Variants in KIF1A observed in about 807,000 individuals in gnomAD.
KIF1A encodes kinesin-like protein KIF1A.
A neutral mutation model predicts 227.3 loss-of-function variants in KIF1A; 46 were observed. The observed-to-expected ratio is 0.20, with a 90% confidence interval of 0.16 to 0.26. The LOEUF is 0.26. Ranked by LOEUF, KIF1A falls within the 10% of genes least tolerant of loss-of-function variation. The probability of loss-of-function intolerance (pLI) is 1.00; values close to 1 mark genes in which losing one functional copy is unlikely to be tolerated. For missense variants in KIF1A, 1,683 were observed against 2,485.9 expected (o/e 0.68, Z 6.87); for synonymous variants, 1,022 against 1,012.8 (o/e 1.01, Z -0.17).
At chr2:240,735,393 G>A (rs1030007709) in intron 38 of KIF1A, among the ~76,000 whole-genome samples, 7 of 152,254 alleles carry the variant, frequency 4.6e-5, no homozygotes, top group Non-Finnish European at 8.8e-5. Context: ...GCCATGAGCC[G>A]CTCCCTCCTA....
Position 240,766,050 on chromosome 2 carries a change from G to C in KIF1A, c.1685-257C>G, listed in dbSNP as rs1168529529. Among the ~76,000 whole-genome samples, 1 of 152,234 alleles carries C rather than the reference G, an allele frequency of 6.6e-6. No homozygotes were observed. Among genetic ancestry groups the C allele is most frequent in the Non-Finnish European group, 1.5e-5 (1 of 68,034 alleles). On this transcript the variant is annotated intron_variant, in intron 19 of 48. Transcript: ENST00000498729. The surrounding 1 kb of genome is among the most constrained non-coding windows in gnomAD (Gnocchi z 5.0). ...CACGTTGAAGCCAAGAGGCTGTGCTGGGCCTAATCACCCAGGGCCCTGTCC... is the reference window on the plus strand; with the variant it reads ...CACGTTGAAGCCAAGAGGCTGTGCTCGGCCTAATCACCCAGGGCCCTGTCC...
At chr2:240,770,215 C>G (rs961045668) in intron 15 of KIF1A, among the ~76,000 whole-genome samples, 1 of 152,242 alleles carries the variant, frequency 6.6e-6, no homozygotes. Flanking sequence ...GCCCCTCAGT[C>G]TCCAGGCGTG....
At position 240,784,976 on chromosome 2, in the gene KIF1A, G is replaced by T. The variant is rs752654184; in HGVS notation, c.720+13C>A. 2 of 1,605,480 alleles carry T rather than the reference G, an allele frequency of 1.2e-6. No individual in the cohort carries two copies. The highest frequency in any genetic ancestry group is 1.1e-5 in the South Asian group (1 of 90,924). ...TGCCCTTGGTGGCACCGCCTGTGAGGCCACTCACTCACCTTCTCCGTGGTG... is the reference window on the plus strand; with the variant it reads ...TGCCCTTGGTGGCACCGCCTGTGAGTCCACTCACTCACCTTCTCCGTGGTG... On this transcript the variant is annotated intron_variant, in intron 7 of 48. Coordinates refer to ENST00000498729, the MANE Select transcript of KIF1A (RefSeq NM_001244008.2).
chr2:240,750,269 AGGTTGACCCCAG>A (rs2049059753), intron 28 of KIF1A, among the ~76,000 whole-genome samples, 148 bp downstream of exon 28: 1 of 152,224 alleles, frequency 6.6e-6, no homozygotes, highest in African/African-American at 2.4e-5. Context: ...AAACAGCTTC[AGGTTGACCCCAG>A]GGAGAGTGGA....
intron 1 of KIF1A, among the ~76,000 whole-genome samples, chr2:240,818,242 G>A (rs374903335): frequency 6.6e-4 from 101 of 152,284 alleles, no homozygotes; most frequent in African/African-American, 2.3e-3. Context: ...TCCATCTGCA[G>A]CCGGAGTGAA....
chr2:240,742,598 G>A (rs62187826), intron 34 of KIF1A, among the ~76,000 whole-genome samples: 19 of 152,018 alleles, frequency 1.2e-4, no homozygotes, highest in Non-Finnish European at 2.4e-4. Flanking sequence ...GTGAAGGAGC[G>A]TCCTAGATTG....
intron 10 of KIF1A, chr2:240,782,107 C>G: frequency 2.0e-6 from 2 of 985,394 alleles, no homozygotes; most frequent in Non-Finnish European, 2.4e-6. Context: ...CACACAGTCC[C>G]CAGCGTCGCC....
At chr2:240,727,396 G>A (rs770084134) in intron 38 of KIF1A, among the ~76,000 whole-genome samples, 5 of 152,146 alleles carry the variant, frequency 3.3e-5, no homozygotes, top group African/African-American at 9.7e-5. Flanking sequence ...CAGAGCCTGC[G>A]CGGGCCCACC....
At position 240,761,317 on chromosome 2, in the gene KIF1A, T is replaced by C. The variant is rs2050499157; in HGVS notation, c.2177A>G (p.Tyr726Cys). Residue 726 changes from tyrosine to cysteine, a missense_variant, in exon 24 of 49, where the codon TAC becomes TGC. By Grantham distance (194) the Tyr-to-Cys change is radical. This residue lies in a region of KIF1A where 217 missense variants were observed against 427.0 expected (regional missense o/e 0.51). Transcript: ENST00000498729. ...ALWAFRKWKW[Y>C]QFTSLRDLLW... ...CAGGTCCCGCAGAGACGTGAACTGG[T>C]ACCACTTCCACTTCCGGAAGGCCCA... 1 of 1,613,658 alleles carries C rather than the reference T, an allele frequency of 6.2e-7. No homozygotes were observed. The highest frequency in any genetic ancestry group is 1.3e-5 in the African/African-American group (1 of 74,942).
intron 38 of KIF1A, among the ~76,000 whole-genome samples, chr2:240,729,317 G>A (rs149167595): frequency 2.7e-5 from 4 of 150,302 alleles, no homozygotes; most frequent in East Asian, 1.9e-4. Flanking sequence ...TTCCATCTCC[G>A]TGTGTGCAGA....
upstream of KIF1A, among the ~76,000 whole-genome samples, chr2:240,820,968 G>A (rs2058670404): frequency 1.3e-5 from 2 of 152,132 alleles, no homozygotes; most frequent in South Asian, 4.1e-4. The surrounding 1 kb of genome is among the most constrained non-coding windows in gnomAD (Gnocchi z 6.2). Flanking sequence ...CGCCGCTCGG[G>A]GGCCACCCCG....
At chr2:240,756,854 G>A (rs1387906670) in intron 27 of KIF1A, among the ~76,000 whole-genome samples, 2 of 152,250 alleles carry the variant, frequency 1.3e-5, no homozygotes, top group African/African-American at 4.8e-5. Context: ...CGCTAGGACA[G>A]TGTTGATTCC....
In KIF1A at chr2:240,781,487, AGCTC is replaced by A. The variant is rs1290618902; in HGVS notation, c.882+1099_882+1102del. Among the ~76,000 whole-genome samples the A allele has an allele frequency of 4.4e-5, 4 of 91,624 alleles. 1 individual carries two copies. The highest frequency in any genetic ancestry group is 2.2e-4 in the African/African-American group (4 of 18,300). The allele number at this position is 91,624 out of a possible 152,430, so 60.1% of individuals were successfully genotyped here. A position where few individuals can be genotyped will look rare whatever the true frequency, so the allele number is the denominator to read the frequency against. On this transcript the variant is annotated intron_variant, in intron 10 of 48. Coordinates refer to ENST00000498729, the MANE Select transcript of KIF1A (RefSeq NM_001244008.2). ...TCCACACACACACACACACACACAC[AGCTC>A]CACACACAGCTCCACACACACACAC...
intron 33 of KIF1A, 31 bp from the exon 34 acceptor site, chr2:240,743,015 G>GCGGGA (rs1187945895): frequency 6.4e-7 from 1 of 1,573,746 alleles, no homozygotes; most frequent in Non-Finnish European, 8.7e-7. Context: ...TGAGGTGTTT[G>GCGGGA]CGGGACCCTG....
rs988552852 is a variant in KIF1A at position 240,820,150 on chromosome 2, C to T, written c.-89G>A. The T allele has an allele frequency of 1.3e-5, 2 of 149,240 alleles. No homozygotes were observed. Among genetic ancestry groups the T allele is most frequent in the Admixed American group, 6.7e-5 (1 of 14,926 alleles). The allele number at this position is 149,240 out of a possible 1,614,324, so 9.2% of individuals were successfully genotyped here. A position where few individuals can be genotyped will look rare whatever the true frequency, so the allele number is the denominator to read the frequency against. ...TCCGGCGTCACTGGCGGCGGCCCCGCATGGGCACTGGCATGGGCGCGGGCT... is the reference window on the plus strand; with the variant it reads ...TCCGGCGTCACTGGCGGCGGCCCCGTATGGGCACTGGCATGGGCGCGGGCT... On this transcript the variant is annotated 5_prime_UTR_variant, in exon 1 of 49. The change abolishes an upstream ATG in the 5' untranslated region. Transcript: ENST00000498729. This position sits in a 1 kb window ranked among gnomAD's most constrained non-coding sequence, Gnocchi z 6.2.
intron 25 of KIF1A, among the ~76,000 whole-genome samples, chr2:240,759,423 A>T (rs1190613173): frequency 2.0e-5 from 3 of 152,112 alleles, no homozygotes; most frequent in Non-Finnish European, 4.4e-5. Context: ...CCTGGCCTAA[A>T]TCACCCAGGA....
In KIF1A at chr2:240,726,681, T is replaced by C; in HGVS notation, c.4122+145A>G. 4.2e-6 allele frequency: 2 copies of C among 474,154 alleles called. No homozygotes were observed. Among genetic ancestry groups the C allele is most frequent in the Non-Finnish European group, 7.7e-6 (2 of 259,992 alleles). The allele number at this position is 474,154 out of a possible 1,614,324, so 29.4% of individuals were successfully genotyped here. A position where few individuals can be genotyped will look rare whatever the true frequency, so the allele number is the denominator to read the frequency against. On this transcript the variant is annotated intron_variant, in intron 39 of 48. Transcript: ENST00000498729. This position sits in a 1 kb window ranked among gnomAD's most constrained non-coding sequence, Gnocchi z 5.2. The stretch of plus-strand genomic sequence containing the variant: ...CTTGCAGTCCAGTTTTTGTTTTTGT[T>C]TTTTAAAAGGCACACAAATTTAACC...
chr2:240,742,730 G>A (rs947136322), intron 34 of KIF1A, among the ~76,000 whole-genome samples, 199 bp downstream of exon 34: 1 of 152,176 alleles, frequency 6.6e-6, no homozygotes, highest in Non-Finnish European at 1.5e-5. Flanking sequence ...ACCAGCTCCA[G>A]GCTACTCTCT....
intron 28 of KIF1A, among the ~76,000 whole-genome samples, chr2:240,748,921 G>A (rs753061377): frequency 6.6e-6 from 1 of 152,124 alleles, no homozygotes; most frequent in Non-Finnish European, 1.5e-5. Flanking sequence ...AGGAGTTCGA[G>A]AGCAGCCTGG....
Sources: allele counts gnomAD v4.1 joint callset (sites outside exome capture counted in the v4.1 genomes callset), GRCh38; gene constraint gnomAD v4.1.1; regional missense constraint gnomAD v4.1.1; non-coding constraint Gnocchi (gnomAD v3.1); transcripts MANE v1.5; gene names NCBI Gene and HGNC (gene_info 2026-07-23, HGNC 2026-07-21).